Variants in TMEM182 observed in about 807,000 individuals in gnomAD.
TMEM182 encodes transmembrane protein 182.
Under a neutral mutation model 26.8 loss-of-function variants are expected in TMEM182, and 20 were observed. The ratio of observed to expected loss-of-function variants is 0.75; its 90% CI spans 0.53 to 1.09. The LOEUF is 1.09. TMEM182 is among the 50% of genes least tolerant of loss of function. TMEM182 has a pLI of 0.00. For synonymous variants in TMEM182, 109 were observed against 102.2 expected, an observed-to-expected ratio of 1.07 and a Z score of -0.40; for missense variants, 277 against 275.5, an observed-to-expected ratio of 1.01 and a Z score of -0.04.
chr2:102,777,381 A>G (rs558903457), intron 3 of TMEM182, among the ~76,000 whole-genome samples: 103 of 152,240 alleles, frequency 6.8e-4, no homozygotes, highest in African/African-American at 2.3e-3. Context: ...TTGTGTCAGC[A>G]CCATTTATGG....
At chr2:102,823,641 CCTT>C (rs1251566335) in intron 3 of TMEM182, among the ~76,000 whole-genome samples, 16 of 152,180 alleles carry the variant, frequency 1.1e-4, no homozygotes, top group South Asian at 4.1e-4. Context: ...CCAGTTCTGT[CCTT>C]CTTAAACAGT....
intron 3 of TMEM182, among the ~76,000 whole-genome samples, chr2:102,838,226 G>A (rs78833602): frequency 0.022 from 3,316 of 152,330 alleles, 143 homozygotes; most frequent in African/African-American, 0.076. Flanking sequence ...GGATAGCTAT[G>A]TTGTTAACTT....
Position 102,815,475 on chromosome 2 carries a change from A to C in TMEM182, c.*507A>C, listed in dbSNP as rs967369687. 9 of 988,272 alleles carry C rather than the reference A, an allele frequency of 9.1e-6. No homozygotes were observed. Among genetic ancestry groups the C allele is most frequent in the Middle Eastern group, 1.0e-3 (2 of 1,936 alleles). The allele number at this position is 988,272 out of a possible 1,614,324, so 61.2% of individuals were successfully genotyped here. A position where few individuals can be genotyped will look rare whatever the true frequency, so the allele number is the denominator to read the frequency against. The stretch of plus-strand genomic sequence containing the variant: ...GCAAATGAATTTAAAAATAGACAGC[A>C]GTTGTTCTAATTAGTGGGAGCCATG... On this transcript the variant is annotated 3_prime_UTR_variant, in exon 5 of 5. Transcript: ENST00000412401.
At chr2:102,809,478 G>A (rs1264275227) in intron 4 of TMEM182, among the ~76,000 whole-genome samples, 1 of 152,142 alleles carries the variant, frequency 6.6e-6, no homozygotes, top group African/African-American at 2.4e-5. Context: ...TAGCACAAAT[G>A]TGACCTGCTG....
chr2:102,806,040 A>C (rs1291717013), intron 4 of TMEM182, among the ~76,000 whole-genome samples: 1 of 152,208 alleles, frequency 6.6e-6, no homozygotes, highest in Non-Finnish European at 1.5e-5. Context: ...CTATTTACTC[A>C]GTACTAAGGG....
chr2:102,842,886 C>G (rs1683381797), intron 3 of TMEM182, among the ~76,000 whole-genome samples: 1 of 152,150 alleles, frequency 6.6e-6, no homozygotes, highest in Non-Finnish European at 1.5e-5. Context: ...GGGTGGTTGC[C>G]TGGATCACAG....
At chr2:102,821,535 C>A (rs530662133), downstream of TMEM182, among the ~76,000 whole-genome samples, 1 of 152,298 alleles carries the variant, frequency 6.6e-6, no homozygotes, top group East Asian at 1.9e-4. Flanking sequence ...AGAAGCTGAG[C>A]AAATGCCAGT....
Position 102,777,012 on chromosome 2 carries a change from A to G in TMEM182, c.331+12585A>G, listed in dbSNP as rs77023051. Among the ~76,000 whole-genome samples, 1,177 of 151,890 alleles carry G rather than the reference A, an allele frequency of 7.7e-3. 9 individuals carry two copies. Among genetic ancestry groups the G allele is most frequent in the Non-Finnish European group, 0.013 (866 of 67,896 alleles). ...GGATTGTTTGGTTTTTTATTCTTGA[A>G]TTTTAAGATTTCTTTGCGTATTTTC... On this transcript the variant is annotated intron_variant, in intron 3 of 4. Transcript: ENST00000412401.
At chr2:102,821,823 C>T (rs1573573480), downstream of TMEM182, among the ~76,000 whole-genome samples, 1 of 151,934 alleles carries the variant, frequency 6.6e-6, no homozygotes, top group South Asian at 2.1e-4. Flanking sequence ...CCCGTCTCTA[C>T]TAAAAATACA....
intron 3 of TMEM182, among the ~76,000 whole-genome samples, chr2:102,772,686 C>T (rs908389132): frequency 3.9e-5 from 6 of 152,114 alleles, no homozygotes; most frequent in African/African-American, 1.4e-4. Flanking sequence ...AACACTCGGG[C>T]AGGCTTCTTA....
chr2:102,772,749 G>A (rs1680732150), intron 3 of TMEM182, among the ~76,000 whole-genome samples: 1 of 152,154 alleles, frequency 6.6e-6, no homozygotes, highest in African/African-American at 2.4e-5. Context: ...CAACCTCACA[G>A]TTGTTTTCAA....
chr2:102,817,563 A>C lies in TMEM182; in HGVS notation c.*2595A>C, dbSNP rs918563658. On this transcript the variant is annotated 3_prime_UTR_variant, in exon 5 of 5. Coordinates refer to ENST00000412401, the MANE Select transcript of TMEM182 (RefSeq NM_144632.5). ...GAGGGTTGATGGTAGGGCTTTCTAA[A>C]AAAAGTAATATCAAGTGTGTTGTTA... is the stretch of plus-strand genomic sequence containing the variant. 16 of 985,310 alleles carry C rather than the reference A, an allele frequency of 1.6e-5. No individual in the cohort carries two copies. The African/African-American group carries it at 2.8e-4, about 17-fold the overall frequency. The allele number at this position is 985,310 out of a possible 1,614,324, so 61.0% of individuals were successfully genotyped here.
chr2:102,825,364 C>A (rs58668666), intron 3 of TMEM182, among the ~76,000 whole-genome samples: 4,557 of 152,252 alleles, frequency 0.03, 218 homozygotes, highest in African/African-American at 0.1. Context: ...TAATAGGTAA[C>A]AAGAAGCAGG....
At position 102,815,250 on chromosome 2, in the gene TMEM182, G is replaced by C. The variant is rs1406282802; in HGVS notation, c.*282G>C. The stretch of plus-strand genomic sequence containing the variant: ...GAACATGTTAGAGTTCATGCAGGTC[G>C]CAAAGGCCTGATAATAGCTTAATAC... On this transcript the variant is annotated 3_prime_UTR_variant, in exon 5 of 5. Coordinates refer to ENST00000412401, the MANE Select transcript of TMEM182 (RefSeq NM_144632.5). 18 of 1,160,300 alleles carry C rather than the reference G, an allele frequency of 1.6e-5. No individual in the cohort carries two copies. The highest frequency in any genetic ancestry group is 1.8e-5 in the Non-Finnish European group (17 of 939,664). The allele number at this position is 1,160,300 out of a possible 1,614,324, so 71.9% of individuals were successfully genotyped here.
At chr2:102,750,090 A>G (rs1041979146) in intron 1 of TMEM182, among the ~76,000 whole-genome samples, 1 of 152,102 alleles carries the variant, frequency 6.6e-6, no homozygotes, top group Non-Finnish European at 1.5e-5. Context: ...TCAATAATGA[A>G]AAAAAAGCAT....
At chr2:102,824,690 T>G (rs1682997516) in intron 3 of TMEM182, among the ~76,000 whole-genome samples, 1 of 151,878 alleles carries the variant, frequency 6.6e-6, no homozygotes, top group African/African-American at 2.4e-5. Context: ...CCAGGCATGG[T>G]GGTGGTGTGC....
At chr2:102,819,764 A>G (rs1024535662), downstream of TMEM182, among the ~76,000 whole-genome samples, 2 of 152,184 alleles carry the variant, frequency 1.3e-5, no homozygotes, top group Non-Finnish European at 2.9e-5. Flanking sequence ...AGGCATTCCC[A>G]AACTCTTAAG....
chr2:102,823,122 T>C (rs1682959014), intron 3 of TMEM182, among the ~76,000 whole-genome samples: 1 of 152,156 alleles, frequency 6.6e-6, no homozygotes, highest in Middle Eastern at 3.2e-3. Flanking sequence ...AATGACAGCA[T>C]CTCAGTCTGT....
At chr2:102,799,454 G>A (rs1347891410) in intron 4 of TMEM182, among the ~76,000 whole-genome samples, 1 of 152,196 alleles carries the variant, frequency 6.6e-6, no homozygotes, top group Non-Finnish European at 1.5e-5. Context: ...TGAAGAAAAG[G>A]CATACATATA....
Sources: gnomAD v4.1 joint callset for allele counts (sites outside exome capture counted in the v4.1 genomes callset) on GRCh38, gnomAD v4.1.1 for gene constraint, MANE v1.5 for transcripts, NCBI Gene and HGNC (gene_info 2026-07-23, HGNC 2026-07-21) for gene names.